The following RAB31 variants were observed in gnomAD, a reference collection of about 807,000 sequenced individuals.
RAB31 encodes the protein RAB31, member RAS oncogene family.
A neutral mutation model predicts 25.6 loss-of-function variants in RAB31; 21 were observed. The ratio of observed to expected loss-of-function variants is 0.82; its 90% CI spans 0.58 to 1.18. RAB31 has a LOEUF of 1.18. Ranked by LOEUF, RAB31 falls within the 50% of genes most tolerant of loss-of-function variation. The pLI is 0.00. For missense variants in RAB31, 196 were observed against 250.1 expected (o/e 0.78, Z 1.46); for synonymous variants, 87 against 84.0 (o/e 1.04, Z -0.20).
intron 1 of RAB31, among the ~76,000 whole-genome samples, chr18:9,730,028 T>TA (rs1486408558): frequency 6.6e-6 from 1 of 152,202 alleles, no homozygotes; most frequent in Non-Finnish European, 1.5e-5. Context: ...ATGCTTCATA[T>TA]AAAAAATGAT....
chr18:9,737,157 C>A (rs1178439155), intron 1 of RAB31, among the ~76,000 whole-genome samples: 1 of 152,146 alleles, frequency 6.6e-6, no homozygotes, highest in Non-Finnish European at 1.5e-5. Flanking sequence ...CAAGGTCAAG[C>A]CCATAAAAAT....
intron 1 of RAB31, among the ~76,000 whole-genome samples, chr18:9,715,735 G>A (rs759509579): frequency 5.1e-4 from 78 of 152,124 alleles, no homozygotes; most frequent in Non-Finnish European, 9.0e-4. Flanking sequence ...GTTTCACCAC[G>A]TTGGCCGGCT....
intron 5 of RAB31, among the ~76,000 whole-genome samples, chr18:9,829,139 C>A (rs181714048): frequency 7.2e-5 from 11 of 152,304 alleles, no homozygotes; most frequent in African/African-American, 2.6e-4. Flanking sequence ...ATAAAATGAA[C>A]AGCCGTGTAA....
intron 2 of RAB31, among the ~76,000 whole-genome samples, chr18:9,782,752 A>C (rs1343564513): frequency 6.6e-6 from 1 of 152,142 alleles, no homozygotes; most frequent in Non-Finnish European, 1.5e-5. Context: ...GCTGGAGTGC[A>C]GTGACGCAAT....
chr18:9,814,064 T>C lies in RAB31; in HGVS notation c.246T>C (p.Ala82=). The part of the protein sequence containing the change: ...APMYYRGSAA[A]VIVYDITKQD... ...TGTACTATCGAGGCTCAGCTGCAGC[T>C]GTTATCGTGTATGATATTACCAAGC... The change falls in exon 4 of 7, where the codon GCT becomes GCC. Residue 82 remains alanine (A), a synonymous_variant. Coordinates refer to ENST00000578921, the MANE Select transcript of RAB31 (RefSeq NM_006868.4). 1 of 1,592,668 alleles carries C rather than the reference T, an allele frequency of 6.3e-7. No individual in the cohort carries two copies. Among genetic ancestry groups the C allele is most frequent in the South Asian group, 1.1e-5 (1 of 88,246 alleles).
chr18:9,818,346 C>T (rs1323690618), intron 5 of RAB31, among the ~76,000 whole-genome samples: 1 of 152,164 alleles, frequency 6.6e-6, no homozygotes, highest in Non-Finnish European at 1.5e-5. Context: ...CTGTGAAGAA[C>T]GTCATGCCCA....
chr18:9,826,318 G>A (rs1385284523), intron 5 of RAB31, among the ~76,000 whole-genome samples: 1 of 152,184 alleles, frequency 6.6e-6, no homozygotes, highest in African/African-American at 2.4e-5. Context: ...AGAGGTTGCA[G>A]TGAGCTGAGA....
At chr18:9,762,949 G>T (rs376342594) in intron 1 of RAB31, among the ~76,000 whole-genome samples, 6 of 152,136 alleles carry the variant, frequency 3.9e-5, no homozygotes, top group African/African-American at 1.4e-4. Context: ...CACCATTGAG[G>T]CCAGAATGCT....
chr18:9,812,026 C>A (rs755118340), intron 3 of RAB31, among the ~76,000 whole-genome samples: 2 of 152,204 alleles, frequency 1.3e-5, no homozygotes, highest in Non-Finnish European at 2.9e-5. Context: ...CCTGTGAGGG[C>A]CCCCTTTCTG....
At chr18:9,804,044 A>C (rs731441) in intron 3 of RAB31, among the ~76,000 whole-genome samples, 36,139 of 152,266 alleles carry the variant, frequency 0.24, 4,526 homozygotes, top group South Asian at 0.36. Flanking sequence ...GGAGGTGGCC[A>C]TGCTGGCAGT....
intron 1 of RAB31, among the ~76,000 whole-genome samples, chr18:9,711,243 G>T (rs1406699237): frequency 6.6e-6 from 1 of 152,116 alleles, no homozygotes; most frequent in African/African-American, 2.4e-5. Flanking sequence ...GGAGTGCAGT[G>T]GTGCCATCAT....
At chr18:9,826,414 A>AT (rs1441984535) in intron 5 of RAB31, among the ~76,000 whole-genome samples, 5 of 146,804 alleles carry the variant, frequency 3.4e-5, no homozygotes, top group Non-Finnish European at 7.8e-5. Flanking sequence ...AGTTGAAATT[A>AT]TTTAAAAAAA....
chr18:9,854,718 A>G (rs576781720), intron 6 of RAB31, among the ~76,000 whole-genome samples: 1 of 152,174 alleles, frequency 6.6e-6, no homozygotes, highest in African/African-American at 2.4e-5. Flanking sequence ...TTCAAGTAGC[A>G]TGTGTGTGTC....
chr18:9,793,308 C>A (rs1401799547), intron 3 of RAB31, among the ~76,000 whole-genome samples: 2 of 151,946 alleles, frequency 1.3e-5, no homozygotes, highest in African/African-American at 2.4e-5. Flanking sequence ...GAACTCCTGG[C>A]CTCAAGTAAT....
Position 9,795,872 on chromosome 18 carries a change from C to T in RAB31, c.201+3637C>T, listed in dbSNP as rs1261526318. Among the ~76,000 whole-genome samples the T allele has an allele frequency of 2.0e-5, 3 of 152,242 alleles. No individual in the cohort carries two copies. In the South Asian group the frequency reaches 6.2e-4, roughly 32 times the overall value. ...TAGATCTACCATTTGATTCAGCAAC[C>T]CCACTCCTGCGTATCAACCCAGAGG... On this transcript the variant is annotated intron_variant, in intron 3 of 6. Transcript: ENST00000578921.
intron 1 of RAB31, among the ~76,000 whole-genome samples, chr18:9,733,697 T>C (rs1050071940): frequency 2.6e-5 from 4 of 152,090 alleles, no homozygotes; most frequent in African/African-American, 9.7e-5. Context: ...GGTTCCCTGC[T>C]CTGTTGATGA....
chr18:9,836,770 A>G (rs1299538352), intron 5 of RAB31, among the ~76,000 whole-genome samples: 1 of 150,928 alleles, frequency 6.6e-6, no homozygotes, highest in Non-Finnish European at 1.5e-5. Context: ...AGGGTGAAGC[A>G]CATGGGTAGA....
At chr18:9,833,420 A>T (rs1304804909) in intron 5 of RAB31, among the ~76,000 whole-genome samples, 5 of 152,178 alleles carry the variant, frequency 3.3e-5, no homozygotes, top group African/African-American at 1.2e-4. Context: ...GGTCCAGAGT[A>T]CCTGCTGGTT....
chr18:9,802,659 C>A (rs2068519901), intron 3 of RAB31, among the ~76,000 whole-genome samples: 1 of 152,214 alleles, frequency 6.6e-6, no homozygotes, highest in South Asian at 2.1e-4. Flanking sequence ...TCACCTCCTT[C>A]AGATTAATTT....
Sources: allele counts gnomAD v4.1 joint callset (sites outside exome capture counted in the v4.1 genomes callset), GRCh38; gene constraint gnomAD v4.1.1; transcripts MANE v1.5; gene names NCBI Gene and HGNC (gene_info 2026-07-23, HGNC 2026-07-21).